CTNNA3: variants seen among roughly 807,000 people sequenced by gnomAD.
The protein encoded by CTNNA3 is catenin alpha-3.
Under a neutral mutation model 95.7 loss-of-function variants are expected in CTNNA3, and 76 were observed. The ratio of observed to expected loss-of-function variants is 0.79; its 90% CI spans 0.66 to 0.96. The LOEUF (loss-of-function observed/expected upper bound fraction) is 0.96, where lower values mean the gene tolerates loss of function less well. Among genes scored for constraint, CTNNA3 ranks in the 40% least tolerant of loss-of-function variants. The pLI is 0.00. For missense variants in CTNNA3, 1,191 were observed against 1,089.8 expected (o/e 1.09, Z -1.31); for synonymous variants, 431 against 374.4 (o/e 1.15, Z -1.74).
At chr10:66,638,798 G>A (rs933268275) in intron 9 of CTNNA3, among the ~76,000 whole-genome samples, 9 of 148,970 alleles carry the variant, frequency 6.0e-5, no homozygotes, top group East Asian at 4.0e-4. Context: ...TTTCTCCCCC[G>A]CCCATTCGTT....
intron 5 of CTNNA3, among the ~76,000 whole-genome samples, chr10:67,428,720 T>A (rs1446053401): frequency 6.6e-6 from 1 of 152,000 alleles, no homozygotes; most frequent in Non-Finnish European, 1.5e-5. Flanking sequence ...CAGATCCACC[T>A]TTAATCTGGT....
intron 1 of CTNNA3, among the ~76,000 whole-genome samples, chr10:67,664,923 G>GA (rs1400470430): frequency 2.0e-5 from 3 of 151,986 alleles, no homozygotes; most frequent in Non-Finnish European, 2.9e-5. Context: ...AAACTACAGG[G>GA]AAAAATCCAT....
intron 7 of CTNNA3, among the ~76,000 whole-genome samples, chr10:66,932,561 T>C (rs976501234): frequency 1.3e-5 from 2 of 152,180 alleles, no homozygotes; most frequent in East Asian, 3.9e-4. Context: ...CTACCTACAC[T>C]AAAAATCAGA....
At chr10:66,948,163 C>T (rs1848368894) in intron 7 of CTNNA3, among the ~76,000 whole-genome samples, 1 of 152,156 alleles carries the variant, frequency 6.6e-6, no homozygotes, top group Non-Finnish European at 1.5e-5. Flanking sequence ...TGTAGTGCAT[C>T]ACTGTATATT....
At chr10:67,634,490 TGTA>T (rs1256799025) in intron 2 of CTNNA3, among the ~76,000 whole-genome samples, 1 of 152,152 alleles carries the variant, frequency 6.6e-6, no homozygotes, top group Non-Finnish European at 1.5e-5. Context: ...TAACCTTAAA[TGTA>T]AATGGGCTAA....
chr10:66,426,916 G>GT (rs1163616252), intron 11 of CTNNA3, among the ~76,000 whole-genome samples: 4 of 151,244 alleles, frequency 2.6e-5, no homozygotes, highest in African/African-American at 9.7e-5. Flanking sequence ...TTTTAAATCT[G>GT]TTTTTTCTCT....
chr10:66,928,520 G>C, intron 7 of CTNNA3: 4 of 1,441,116 alleles, frequency 2.8e-6, no homozygotes, highest in Non-Finnish European at 3.7e-6. Flanking sequence ...TTGAACTCTG[G>C]TGACTATCAA....
chr10:67,508,104 C>G (rs1295664409), intron 5 of CTNNA3, among the ~76,000 whole-genome samples: 1 of 152,068 alleles, frequency 6.6e-6, no homozygotes, highest in Non-Finnish European at 1.5e-5. Context: ...ACCTCCACCT[C>G]CCAGGTTCAA....
intron 7 of CTNNA3, among the ~76,000 whole-genome samples, chr10:67,079,300 T>C (rs748043864): frequency 3.9e-5 from 6 of 152,178 alleles, no homozygotes; most frequent in Non-Finnish European, 7.3e-5. Flanking sequence ...ACAGACATCA[T>C]GGCCATGTAA....
intron 1 of CTNNA3, among the ~76,000 whole-genome samples, chr10:67,739,577 A>C (rs1004894817): frequency 6.6e-5 from 10 of 151,870 alleles, no homozygotes; most frequent in Admixed American, 5.3e-4. Context: ...AGAGAATAAA[A>C]TACCTAGGAA....
chr10:65,941,078 A>C (rs1423960690), intron 17 of CTNNA3, among the ~76,000 whole-genome samples: 1 of 152,230 alleles, frequency 6.6e-6, no homozygotes, highest in African/African-American at 2.4e-5. Context: ...CTTGCAAGCC[A>C]ATATTTACAT....
intron 15 of CTNNA3, among the ~76,000 whole-genome samples, chr10:66,034,579 C>T (rs2079523322): frequency 6.6e-6 from 1 of 152,154 alleles, no homozygotes; most frequent in South Asian, 2.1e-4. Context: ...CTATTCCTTA[C>T]CTTTATTTGT....
intron 7 of CTNNA3, among the ~76,000 whole-genome samples, chr10:66,835,717 AT>A (rs1189776121): frequency 6.6e-6 from 1 of 152,172 alleles, no homozygotes; most frequent in Non-Finnish European, 1.5e-5. Flanking sequence ...GTAATTAATC[AT>A]TCAATTATGG....
At chr10:66,294,479 A>G (rs1564845204) in intron 12 of CTNNA3, among the ~76,000 whole-genome samples, 1 of 152,234 alleles carries the variant, frequency 6.6e-6, no homozygotes, top group Non-Finnish European at 1.5e-5. Flanking sequence ...TGTAATACTA[A>G]AAAGACTGGA....
rs113997089 is a variant in CTNNA3, at chr10:66,612,970, C to T, written c.1374+8722G>A. 6.4e-3 allele frequency among the ~76,000 whole-genome samples: 977 copies of T among 152,154 alleles called. 13 individuals carry two copies. Among genetic ancestry groups the T allele is most frequent in the African/African-American group, 0.023 (945 of 41,504 alleles). ...ATAAATTTTCAATTTTGATTATAAA[C>T]TTAATGTCAGCAAGGCTCTACCTTT... On this transcript the variant is annotated intron_variant, in intron 10 of 17. Coordinates refer to ENST00000433211, the MANE Select transcript of CTNNA3 (RefSeq NM_013266.4).
intron 14 of CTNNA3, among the ~76,000 whole-genome samples, chr10:66,095,050 C>G (rs892059410): frequency 3.3e-5 from 5 of 152,076 alleles, no homozygotes; most frequent in Non-Finnish European, 1.5e-5. Context: ...GTGGGATCTA[C>G]AGATGCCTGT....
At chr10:67,684,650 G>C (rs766389442) in intron 1 of CTNNA3, among the ~76,000 whole-genome samples, 1 of 152,178 alleles carries the variant, frequency 6.6e-6, no homozygotes. Flanking sequence ...GATCTCTTTA[G>C]GCCAGTGAAA....
intron 11 of CTNNA3, among the ~76,000 whole-genome samples, chr10:66,510,518 G>A (rs960092036): frequency 6.6e-6 from 1 of 151,554 alleles, no homozygotes; most frequent in Admixed American, 6.6e-5. Context: ...TCAGTATAAT[G>A]TTAGCCATGG....
chr10:67,496,877 C>T (rs1161723431), intron 5 of CTNNA3, among the ~76,000 whole-genome samples: 1 of 152,078 alleles, frequency 6.6e-6, no homozygotes, highest in Non-Finnish European at 1.5e-5. Context: ...ACACACTCAA[C>T]CTTCTATAAG....
Sources: allele counts gnomAD v4.1 joint callset (sites outside exome capture counted in the v4.1 genomes callset), GRCh38; gene constraint gnomAD v4.1.1; transcripts MANE v1.5; gene names NCBI Gene and HGNC (gene_info 2026-07-23, HGNC 2026-07-21).